Variants in ZNF85 observed in about 807,000 individuals in gnomAD.
ZNF85 encodes zinc finger protein 85, also known as zinc finger protein 85 (HPF4, HTF1).
ZNF85 carries 50 observed loss-of-function variants against 53.9 expected under a neutral mutation model. The observed-to-expected ratio is 0.93, with a 90% confidence interval of 0.74 to 1.17. The LOEUF (loss-of-function observed/expected upper bound fraction) is 1.17, where lower values mean the gene tolerates loss of function less well. Ranked by LOEUF, ZNF85 falls within the 50% of genes most tolerant of loss-of-function variation. ZNF85 has a pLI of 0.00. For missense variants in ZNF85, 747 were observed against 688.5 expected, an observed-to-expected ratio of 1.08 and a Z score of -0.95; for synonymous variants, 225 against 226.1, an observed-to-expected ratio of 1.00 and a Z score of 0.04.
At position 20,950,103 on chromosome 19, in the gene ZNF85, A is replaced by T. The variant is rs1203023015; in HGVS notation, c.1589A>T (p.Lys530Ile). ...TCCTCAAAACTTACCAAACATAAGA[A>T]AATTCATACTGGAGAGAAACCCTAC... ...NQSSKLTKHK[K>I]IHTGEKPYTC... Residue 530 changes from lysine to isoleucine, a missense_variant, in exon 4 of 4, where the codon AAA becomes ATA. By Grantham distance (102) the Lys-to-Ile change is moderately radical (BLOSUM62 -3). Coordinates refer to ENST00000328178, the MANE Select transcript of ZNF85 (RefSeq NM_003429.5). 2 of 1,612,290 alleles carry T rather than the reference A, an allele frequency of 1.2e-6. No individual in the cohort carries two copies. The highest frequency in any genetic ancestry group is 1.7e-6 in the Non-Finnish European group (2 of 1,179,392).
Position 20,949,333 on chromosome 19 carries a change from T to A in ZNF85, c.819T>A (p.Leu273=). 2 of 1,609,012 alleles carry A rather than the reference T, an allele frequency of 1.2e-6. No homozygotes were observed. Among genetic ancestry groups the A allele is most frequent in the Non-Finnish European group, 1.7e-6 (2 of 1,176,878 alleles). ...CGKTFNRFST[L]TTHKIIHTGE... ...AAACTTTTAACCGATTCTCAACTCT[T>A]ACTACCCATAAGATAATTCATACTG... is the stretch of plus-strand genomic sequence containing the variant. Residue 273 remains leucine (L), a synonymous_variant, in exon 4 of 4, where the codon CTT becomes CTA. Transcript: ENST00000328178.
intron 3 of ZNF85, among the ~76,000 whole-genome samples, chr19:20,941,848 T>C (rs1425643615): frequency 1.3e-5 from 2 of 152,202 alleles, no homozygotes; most frequent in African/African-American, 4.8e-5. Flanking sequence ...ATGCGTTTAA[T>C]GTCGTATCTA....
At chr19:20,924,598 C>T (rs1972837664) in intron 1 of ZNF85, among the ~76,000 whole-genome samples, 2 of 152,160 alleles carry the variant, frequency 1.3e-5, no homozygotes, top group South Asian at 4.1e-4. Flanking sequence ...CAGTAAAATA[C>T]TAAATTTCCA....
At chr19:20,937,658 C>T (rs1446260243) in intron 3 of ZNF85, among the ~76,000 whole-genome samples, 1 of 152,136 alleles carries the variant, frequency 6.6e-6, no homozygotes, top group Non-Finnish European at 1.5e-5. Context: ...TACCAGAGAG[C>T]ATTTCTCTGG....
chr19:20,931,744 A>G (rs546171843), intron 1 of ZNF85, among the ~76,000 whole-genome samples: 6 of 146,618 alleles, frequency 4.1e-5, no homozygotes, highest in Non-Finnish European at 5.9e-5. Flanking sequence ...AGTAGTTGGG[A>G]CTACAGGCAC....
chr19:20,931,987 A>G (rs372160644), intron 1 of ZNF85, among the ~76,000 whole-genome samples: 2 of 152,116 alleles, frequency 1.3e-5, no homozygotes, highest in Admixed American at 1.3e-4. Flanking sequence ...GAAAAGTGAA[A>G]CATATTTTGA....
chr19:20,935,283 G>A (rs1185285612), intron 3 of ZNF85, among the ~76,000 whole-genome samples: 1 of 152,160 alleles, frequency 6.6e-6, no homozygotes, highest in Non-Finnish European at 1.5e-5. Flanking sequence ...TTTGCAGTTA[G>A]AGCCAAAGTC....
chr19:20,937,370 C>G (rs911875563), intron 3 of ZNF85: 8 of 456,148 alleles, frequency 1.8e-5, no homozygotes, highest in African/African-American at 1.6e-4. Flanking sequence ...AGGTAAAGAT[C>G]TTCTGTTGGG....
intron 1 of ZNF85, among the ~76,000 whole-genome samples, chr19:20,924,158 G>T (rs1486787049): frequency 5.9e-5 from 9 of 151,714 alleles, no homozygotes; most frequent in Admixed American, 3.3e-4. Flanking sequence ...TTCAAGTATT[G>T]TAGAGCACTC....
At chr19:20,935,801 T>C (rs2048255492) in intron 3 of ZNF85, among the ~76,000 whole-genome samples, 1 of 152,030 alleles carries the variant, frequency 6.6e-6, no homozygotes, top group South Asian at 2.1e-4. Context: ...CCATGTGCCT[T>C]GGCCTCCCAA....
chr19:20,931,011 G>T (rs1973004779), intron 1 of ZNF85, among the ~76,000 whole-genome samples: 1 of 152,180 alleles, frequency 6.6e-6, no homozygotes, highest in South Asian at 2.1e-4. Context: ...CCGACCTCTG[G>T]TGATCCACCT....
intron 1 of ZNF85, 139 bp downstream of exon 1, chr19:20,923,542 A>C (rs1972807959): frequency 1.3e-5 from 18 of 1,417,366 alleles, no homozygotes; most frequent in Non-Finnish European, 1.7e-5. Flanking sequence ...GCTCGGCCCC[A>C]GTTCCTCCAG....
chr19:20,935,011 A>G lies in ZNF85; in HGVS notation c.193A>G (p.Met65Val), dbSNP rs770709900. ...GGAGCAAGGGAAAGAGGCCTGGAGT[A>G]TGAAGAGACATGAGATCATGGTGGC... The part of the protein sequence containing the change: ...CLEQGKEAWS[M>V]KRHEIMVAKP... Residue 65 changes from methionine (M) to valine (V), a missense_variant, in exon 3 of 4, where the codon ATG becomes GTG. Physicochemically the swap from Met to Val is conservative, Grantham distance 21 (BLOSUM62 1). Coordinates refer to ENST00000328178, the MANE Select transcript of ZNF85 (RefSeq NM_003429.5). 1.9e-6 allele frequency: 3 copies of G among 1,611,622 alleles called. No individual in the cohort carries two copies. Among genetic ancestry groups the G allele is most frequent in the Non-Finnish European group, 2.5e-6 (3 of 1,178,808 alleles).
chr19:20,936,277 A>G (rs1312724426), intron 3 of ZNF85, among the ~76,000 whole-genome samples: 3 of 151,824 alleles, frequency 2.0e-5, no homozygotes, highest in African/African-American at 4.9e-5. Flanking sequence ...TTCAATTTCA[A>G]TGGCTTTAAA....
chr19:20,931,672 A>G (rs867537473), intron 1 of ZNF85, among the ~76,000 whole-genome samples: 6 of 144,270 alleles, frequency 4.2e-5, no homozygotes, highest in Non-Finnish European at 7.5e-5. Context: ...CAGTGGTGCA[A>G]TCTCGGCTTA....
At chr19:20,935,230 T>C (rs1973129518) in intron 3 of ZNF85, among the ~76,000 whole-genome samples, 183 bp downstream of exon 3, 1 of 152,228 alleles carries the variant, frequency 6.6e-6, no homozygotes, top group African/African-American at 2.4e-5. Context: ...CTTATACTTT[T>C]AAATTTTCTA....
chr19:20,943,033 C>G (rs1051967276), intron 3 of ZNF85: 4 of 486,206 alleles, frequency 8.2e-6, no homozygotes, highest in Admixed American at 8.1e-5. Flanking sequence ...ACCTTGGTCT[C>G]CCAAAGTGTT....
intron 3 of ZNF85, chr19:20,943,764 G>A (rs573617163): frequency 6.6e-6 from 1 of 152,012 alleles, no homozygotes; most frequent in African/African-American, 2.4e-5. Flanking sequence ...TACGTATTTT[G>A]GAGCCCTAAT....
At chr19:20,931,278 C>T (rs1422587369) in intron 1 of ZNF85, among the ~76,000 whole-genome samples, 1 of 152,130 alleles carries the variant, frequency 6.6e-6, no homozygotes, top group East Asian at 1.9e-4. Context: ...CCAAAATTAC[C>T]AAGTGATTTA....
Sources: allele counts gnomAD v4.1 joint callset (sites outside exome capture counted in the v4.1 genomes callset), GRCh38; gene constraint gnomAD v4.1.1; transcripts MANE v1.5; gene names NCBI Gene and HGNC (gene_info 2026-07-23, HGNC 2026-07-21).